Variants in PIKFYVE observed in about 807,000 individuals in gnomAD.
PIKFYVE encodes 1-phosphatidylinositol 3-phosphate 5-kinase.
PIKFYVE carries 122 observed loss-of-function variants against 257.9 expected under a neutral mutation model. The ratio of observed to expected loss-of-function variants is 0.47; its 90% CI spans 0.41 to 0.55. PIKFYVE has a LOEUF of 0.55. Ranked by LOEUF, PIKFYVE falls within the 20% of genes least tolerant of loss-of-function variation. The pLI is 0.00. For missense variants in PIKFYVE, 2,160 were observed against 2,536.6 expected, an observed-to-expected ratio of 0.85 and a Z score of 3.19; for synonymous variants, 892 against 868.9, an observed-to-expected ratio of 1.03 and a Z score of -0.47.
At chr2:208,281,459 A>C (rs555687624) in intron 5 of PIKFYVE, among the ~76,000 whole-genome samples, 1 of 152,096 alleles carries the variant, frequency 6.6e-6, no homozygotes, top group Non-Finnish European at 1.5e-5. Flanking sequence ...CTTGGTTTTT[A>C]TCTGTATAAA....
chr2:208,271,542 C>T lies in PIKFYVE; in HGVS notation c.23C>T (p.Ser8Phe). The change falls in exon 2 of 42, where the codon TCC becomes TTC. Residue 8 changes from serine (S) to phenylalanine (F), a missense_variant. Physicochemically the swap from Ser to Phe is radical, Grantham distance 155. Around this residue, in one of 12 missense-constraint regions of PIKFYVE, gnomAD observed 172 missense variants for 180.6 expected, o/e 0.95. Coordinates refer to ENST00000264380, the MANE Select transcript of PIKFYVE (RefSeq NM_015040.4). MATDDKT[S>F]PTLDSANDLP... ...GAAATGGCCACAGATGATAAGACGTCCCCAACACTGGACTCTGCTAATGAT... is the reference window on the plus strand; with the variant it reads ...GAAATGGCCACAGATGATAAGACGTTCCCAACACTGGACTCTGCTAATGAT... 3.1e-6 allele frequency: 5 copies of T among 1,614,142 alleles called. No homozygotes were observed. The highest frequency in any genetic ancestry group is 4.2e-6 in the Non-Finnish European group (5 of 1,180,004).
chr2:208,288,668 C>G (rs1691898324), intron 6 of PIKFYVE, 61 bp from the exon 7 acceptor site: 2 of 1,603,964 alleles, frequency 1.2e-6, no homozygotes, highest in African/African-American at 2.7e-5. Flanking sequence ...GTTAAAGCGC[C>G]TCATTGAAAT....
At chr2:208,315,913 T>G (rs1206167827) in intron 15 of PIKFYVE, among the ~76,000 whole-genome samples, 1 of 151,434 alleles carries the variant, frequency 6.6e-6, no homozygotes, top group African/African-American at 2.4e-5. Context: ...TTAGGGTACA[T>G]GTGCACAATG....
intron 7 of PIKFYVE, among the ~76,000 whole-genome samples, chr2:208,297,393 C>T (rs1396726804): frequency 6.6e-6 from 1 of 152,168 alleles, no homozygotes; most frequent in Non-Finnish European, 1.5e-5. Context: ...TTAAAAATTG[C>T]TTATCGGCTA....
At position 208,326,721 on chromosome 2, in the gene PIKFYVE, A is replaced by G. The variant is rs147001958; in HGVS notation, c.3618+292A>G. 2.3e-3 allele frequency among the ~76,000 whole-genome samples: 355 copies of G among 152,312 alleles called. 1 individual carries two copies. The highest frequency in any genetic ancestry group is 8.1e-3 in the African/African-American group (337 of 41,572). The stretch of plus-strand genomic sequence containing the variant: ...GGAGCTGCTTAAAATTTCTGACAAC[A>G]TGACTTGGATGTGGTATGATAATCC... On this transcript the variant is annotated intron_variant, in intron 20 of 41. Coordinates refer to ENST00000264380, the MANE Select transcript of PIKFYVE (RefSeq NM_015040.4).
In PIKFYVE at chr2:208,347,097, C is replaced by T. The variant is rs573704196; in HGVS notation, c.5210-762C>T. Reference sequence around the variant, plus strand: ...ACACATAGTTACACACCCCACCCCGCTCCCCTCTTCCCCTAAGTTGGCATT... The same window carrying T: ...ACACATAGTTACACACCCCACCCCGTTCCCCTCTTCCCCTAAGTTGGCATT... On this transcript the variant is annotated intron_variant, in intron 34 of 41. Coordinates refer to ENST00000264380, the MANE Select transcript of PIKFYVE (RefSeq NM_015040.4). 4.7e-4 allele frequency among the ~76,000 whole-genome samples: 72 copies of T among 152,326 alleles called. 1 individual carries two copies. The South Asian group carries it at 0.015, about 31-fold the overall frequency.
intron 3 of PIKFYVE, among the ~76,000 whole-genome samples, chr2:208,274,226 G>A (rs1361748287): frequency 6.6e-6 from 1 of 152,188 alleles, no homozygotes; most frequent in Admixed American, 6.5e-5. Context: ...AATAAGCTGA[G>A]CTCCTCTCAT....
intron 24 of PIKFYVE, among the ~76,000 whole-genome samples, chr2:208,333,937 C>T (rs1295637346): frequency 1.3e-5 from 2 of 152,170 alleles, no homozygotes; most frequent in African/African-American, 4.8e-5. Context: ...GCCATCATGT[C>T]GGGCCCTGGC....
At chr2:208,279,042 C>T (rs568163967) in intron 5 of PIKFYVE, among the ~76,000 whole-genome samples, 2 of 152,170 alleles carry the variant, frequency 1.3e-5, no homozygotes, top group Non-Finnish European at 2.9e-5. Flanking sequence ...TAAGCATTCT[C>T]TTTTCTCTGC....
At chr2:208,327,916 G>C (rs1319676817) in intron 20 of PIKFYVE, among the ~76,000 whole-genome samples, 2 of 152,154 alleles carry the variant, frequency 1.3e-5, no homozygotes, top group Non-Finnish European at 2.9e-5. Flanking sequence ...ATTTAGTGCA[G>C]TTGTGTAAAA....
chr2:208,301,188 G>A (rs1355477741), intron 9 of PIKFYVE, 94 bp downstream of exon 9: 67 of 1,464,818 alleles, frequency 4.6e-5, no homozygotes, highest in Non-Finnish European at 4.9e-5. Flanking sequence ...TCTTTGTAGA[G>A]TTAGGGTGCT....
intron 33 of PIKFYVE, 130 bp from the exon 34 acceptor site, chr2:208,345,920 A>T: frequency 3.0e-6 from 2 of 671,650 alleles, no homozygotes; most frequent in South Asian, 3.5e-5. Context: ...TATGAATCAG[A>T]CTTTTGATAT....
At position 208,344,133 on chromosome 2, in the gene PIKFYVE, A is replaced by G. The variant is rs115942796; in HGVS notation, c.5028-978A>G. On this transcript the variant is annotated intron_variant, in intron 32 of 41. Transcript: ENST00000264380. ...GCACCCAGCCTTAAATCTTAAGAAC[A>G]TCTTGGTGGTAGCTGAACTTAGTTT... Among the ~76,000 whole-genome samples, 1,292 of 152,230 alleles carry G rather than the reference A, an allele frequency of 8.5e-3. 24 individuals are homozygous for G. The highest frequency in any genetic ancestry group is 0.029 in the African/African-American group (1,211 of 41,516).
intron 31 of PIKFYVE, among the ~76,000 whole-genome samples, chr2:208,341,953 A>ATT (rs11448755): frequency 7.2e-4 from 108 of 150,522 alleles, no homozygotes; most frequent in South Asian, 3.2e-3. Flanking sequence ...TATGGTGCCA[A>ATT]TTTTTTTTTT....
intron 15 of PIKFYVE, 84 bp from the exon 16 acceptor site, chr2:208,317,783 A>AG: frequency 7.7e-7 from 1 of 1,307,006 alleles, no homozygotes; most frequent in Non-Finnish European, 1.1e-6. Flanking sequence ...TTTAAAAAAA[A>AG]TGGAAAGAAA....
intron 24 of PIKFYVE, 59 bp downstream of exon 24, chr2:208,333,552 T>C: frequency 1.3e-6 from 2 of 1,549,772 alleles, no homozygotes; most frequent in Non-Finnish European, 1.8e-6. Context: ...TTAAGAATTT[T>C]TTTAACATTT....
intron 6 of PIKFYVE, among the ~76,000 whole-genome samples, chr2:208,287,528 C>T (rs1193884459): frequency 6.6e-6 from 1 of 151,668 alleles, no homozygotes; most frequent in Non-Finnish European, 1.5e-5. Context: ...CCCGCCTCGG[C>T]CTCCCAAAGG....
intron 39 of PIKFYVE, among the ~76,000 whole-genome samples, chr2:208,353,299 G>A (rs1331767087): frequency 1.3e-5 from 2 of 152,148 alleles, no homozygotes; most frequent in Non-Finnish European, 2.9e-5. Context: ...ACTTAATAAT[G>A]TAATTGATTT....
Position 208,318,941 on chromosome 2 carries a change from A to G in PIKFYVE, c.2082+1000A>G, listed in dbSNP as rs551217519. ...AGTGCAGTCTGGGCAACAGAGCGAG[A>G]CTCCGTCTCAAAAAAAAAAAAAAAA... On this transcript the variant is annotated intron_variant, in intron 16 of 41. Coordinates refer to ENST00000264380, the MANE Select transcript of PIKFYVE (RefSeq NM_015040.4). Among the ~76,000 whole-genome samples, 63 of 109,100 alleles carry G rather than the reference A, an allele frequency of 5.8e-4. 1 individual carries two copies. Among genetic ancestry groups the G allele is most frequent in the African/African-American group, 2.0e-3 (62 of 30,418 alleles). 71.6% of individuals were successfully genotyped at this position (109,100 alleles called of 152,430 possible). A position where few individuals can be genotyped will look rare whatever the true frequency, so the allele number is the denominator to read the frequency against.
Sources: gnomAD v4.1 joint callset for allele counts (sites outside exome capture counted in the v4.1 genomes callset) on GRCh38, gnomAD v4.1.1 for gene constraint, gnomAD v4.1.1 regional missense constraint, MANE v1.5 for transcripts, NCBI Gene and HGNC (gene_info 2026-07-23, HGNC 2026-07-21) for gene names.